Variants in CELF6 observed in about 807,000 individuals in gnomAD.
The protein encoded by CELF6 is Bruno -like 6, RNA binding protein.
Under a neutral mutation model 53.1 loss-of-function variants are expected in CELF6, and 32 were observed. The ratio of observed to expected loss-of-function variants is 0.60; its 90% CI spans 0.46 to 0.81. The LOEUF is 0.81. Ranked by LOEUF, CELF6 falls within the 30% of genes least tolerant of loss-of-function variation. The pLI, the probability that CELF6 is intolerant of heterozygous loss-of-function variation, is 0.00. For synonymous variants in CELF6, 291 were observed against 288.8 expected (o/e 1.01, Z -0.08); for missense variants, 539 against 669.5 (o/e 0.81, Z 2.15).
At chr15:72,318,379 C>T (rs1231020212) in intron 1 of CELF6, among the ~76,000 whole-genome samples, 4 of 152,148 alleles carry the variant, frequency 2.6e-5, no homozygotes, top group African/African-American at 9.7e-5. Flanking sequence ...AGGAATGTAC[C>T]TTTAGCTGTT....
At chr15:72,296,910 A>C (rs1357765992) in intron 3 of CELF6, among the ~76,000 whole-genome samples, 1 of 152,246 alleles carries the variant, frequency 6.6e-6, no homozygotes, top group African/African-American at 2.4e-5. Context: ...AAAAATTAAA[A>C]ATAGAATTAC....
intron 2 of CELF6, among the ~76,000 whole-genome samples, chr15:72,314,537 T>C (rs1317346364): frequency 1.3e-5 from 2 of 149,406 alleles, no homozygotes; most frequent in African/African-American, 2.5e-5. Flanking sequence ...ACAGAACTGA[T>C]AAATGGCAGA....
intron 3 of CELF6, among the ~76,000 whole-genome samples, chr15:72,297,925 C>CT (rs1384397991): frequency 6.6e-6 from 1 of 152,154 alleles, no homozygotes; most frequent in Non-Finnish European, 1.5e-5. Context: ...CTCTCATTAC[C>CT]TTTGTGGGTA....
At chr15:72,310,552 T>TC (rs1272900375) in intron 2 of CELF6, among the ~76,000 whole-genome samples, 2 of 150,992 alleles carry the variant, frequency 1.3e-5, no homozygotes, top group African/African-American at 4.9e-5. Context: ...TAATCTTTTT[T>TC]TTTTTTTTTT....
chr15:72,306,385 CA>C (rs2140301687), intron 2 of CELF6: 1 of 765,582 alleles, frequency 1.3e-6, no homozygotes, highest in East Asian at 1.3e-4. Context: ...CTGCACCAAT[CA>C]GGGGCCACTC....
chr15:72,305,211 T>A (rs1595782490), intron 2 of CELF6, among the ~76,000 whole-genome samples: 2 of 152,196 alleles, frequency 1.3e-5, no homozygotes, highest in Admixed American at 1.3e-4. Context: ...ACGCTATGTG[T>A]CATTTAGATG....
rs2140310393 is a variant in CELF6, at chr15:72,319,603, C to A, written c.262+10G>T. The A allele has an allele frequency of 6.5e-7, 1 of 1,538,836 alleles. No individual in the cohort carries two copies. The highest frequency in any genetic ancestry group is 2.4e-5 in the East Asian group (1 of 40,916). The stretch of plus-strand genomic sequence containing the variant: ...TTGGGGCTGGGCTGGGCTGGGCTGA[C>A]CCCGCGCACCTTTGTGGAGGCCGGT... On this transcript the variant is annotated intron_variant, in intron 1 of 12. Coordinates refer to ENST00000287202, the MANE Select transcript of CELF6 (RefSeq NM_052840.5). The surrounding 1 kb of genome is among the most constrained non-coding windows in gnomAD (Gnocchi z 5.0).
At chr15:72,313,577 A>G (rs1196269033) in intron 2 of CELF6, 8 of 156,230 alleles carry the variant, frequency 5.1e-5, no homozygotes. Flanking sequence ...TTCATCTTCA[A>G]CTGCTGCCCT....
intron 3 of CELF6, among the ~76,000 whole-genome samples, chr15:72,301,841 G>A (rs541989035): frequency 1.5e-4 from 22 of 148,482 alleles, no homozygotes; most frequent in East Asian, 4.1e-4. Flanking sequence ...GGTTCACGCC[G>A]TTCTCCCGTC....
In CELF6 at chr15:72,319,881, G is replaced by A. The variant is rs2088407368; in HGVS notation, c.-7C>T. ...CTCCCGGCGCCGCGGCCATGTCCCCGCCCTGTCAGCCCTCCCGCCGGTCCC... is the reference window on the plus strand; with the variant it reads ...CTCCCGGCGCCGCGGCCATGTCCCCACCCTGTCAGCCCTCCCGCCGGTCCC... On this transcript the variant is annotated 5_prime_UTR_variant, in exon 1 of 13. Transcript: ENST00000287202. The surrounding 1 kb of genome is among the most constrained non-coding windows in gnomAD (Gnocchi z 5.0). 1 of 1,454,836 alleles carries A rather than the reference G, an allele frequency of 6.9e-7. No homozygotes were observed. Among genetic ancestry groups the A allele is most frequent in the Non-Finnish European group, 9.0e-7 (1 of 1,107,254 alleles). The allele number at this position is 1,454,836 out of a possible 1,614,324, so 90.1% of individuals were successfully genotyped here.
chr15:72,289,391 A>T lies in CELF6; in HGVS notation c.864T>A (p.Pro288=). The change falls in exon 7 of 13, where the codon CCT becomes CCA. Residue 288 remains proline (P), a synonymous_variant. Coordinates refer to ENST00000287202, the MANE Select transcript of CELF6 (RefSeq NM_052840.5). The surrounding 1 kb of genome is among the most constrained non-coding windows in gnomAD (Gnocchi z 7.6). ...GGGCCGTACCTGCCGCGGGCAACAG[A>T]GGCGCAGCTACCAGGCTAAAGGCCG... The part of the protein sequence containing the change: ...HVAAFSLVAA[P]LLPAAAANSP... The T allele has an allele frequency of 6.4e-7, 1 of 1,555,020 alleles. No individual in the cohort carries two copies. Among genetic ancestry groups the T allele is most frequent in the Non-Finnish European group, 8.6e-7 (1 of 1,158,838 alleles).
At chr15:72,306,674 CT>C (rs2088235182) in intron 2 of CELF6, among the ~76,000 whole-genome samples, 1 of 151,882 alleles carries the variant, frequency 6.6e-6, no homozygotes, top group African/African-American at 2.4e-5. Context: ...GTGTACCAGG[CT>C]GTGGGTGGGG....
rs753944424 is a variant in CELF6 at position 72,289,659 on chromosome 15, G to T, written c.715C>A (p.Pro239Thr). ...HLGAFHPAPLPLGACGAYTTA... is the reference protein window; with the variant it reads ...HLGAFHPAPLTLGACGAYTTA... ...GTGTAGGCGCCGCAGGCCCCTAGCGGCAGTGGCGCGGGGTGGAAGGCGCCC... is the reference window on the plus strand; with the variant it reads ...GTGTAGGCGCCGCAGGCCCCTAGCGTCAGTGGCGCGGGGTGGAAGGCGCCC... The change falls in exon 6 of 13, where the codon CCG becomes ACG. Residue 239 changes from proline (P) to threonine (T), a missense_variant. Pro to Thr is a conservative substitution (Grantham distance 38). Transcript: ENST00000287202. This position sits in a 1 kb window ranked among gnomAD's most constrained non-coding sequence, Gnocchi z 7.6. The T allele has an allele frequency of 7.3e-6, 11 of 1,500,782 alleles. No homozygotes were observed. The Admixed American group carries it at 2.5e-4, about 34-fold the overall frequency. 93.0% of individuals were successfully genotyped at this position (1,500,782 alleles called of 1,614,324 possible). A position where few individuals can be genotyped will look rare whatever the true frequency, so the allele number is the denominator to read the frequency against.
chr15:72,317,061 G>A (rs181355968), intron 1 of CELF6, among the ~76,000 whole-genome samples: 1 of 152,300 alleles, frequency 6.6e-6, no homozygotes, highest in African/African-American at 2.4e-5. Context: ...TGGTGTGTTG[G>A]GGAAATGGAT....
At chr15:72,286,869 T>C (rs1052471204) in intron 12 of CELF6, among the ~76,000 whole-genome samples, 1 of 152,214 alleles carries the variant, frequency 6.6e-6, no homozygotes, top group Non-Finnish European at 1.5e-5. Flanking sequence ...TCCAAACTCA[T>C]GGCCTGAAGA....
chr15:72,300,405 A>C (rs1437547260), intron 3 of CELF6, among the ~76,000 whole-genome samples: 1 of 152,100 alleles, frequency 6.6e-6, no homozygotes, highest in Non-Finnish European at 1.5e-5. Context: ...TCAGTAAATA[A>C]ATAAAAATCA....
At chr15:72,305,857 T>G (rs1285554463) in intron 2 of CELF6, among the ~76,000 whole-genome samples, 2 of 147,912 alleles carry the variant, frequency 1.4e-5, no homozygotes. Context: ...CTCATTTGTT[T>G]TTTTTTTTTT....
chr15:72,288,221 T>C lies in CELF6; in HGVS notation c.1318+87A>G. 1 of 1,376,842 alleles carries C rather than the reference T, an allele frequency of 7.3e-7. No homozygotes were observed. The highest frequency in any genetic ancestry group is 1.0e-6 in the Non-Finnish European group (1 of 967,054). 85.3% of individuals were successfully genotyped at this position (1,376,842 alleles called of 1,614,324 possible). ...CATACATTCAATCTCAGGAAATCAC[T>C]GCATTATGGAAGGGCAATCGTAGGG... is the stretch of plus-strand genomic sequence containing the variant. On this transcript the variant is annotated intron_variant, in intron 11 of 12. Transcript: ENST00000287202. This position sits in a 1 kb window ranked among gnomAD's most constrained non-coding sequence, Gnocchi z 4.6.
chr15:72,287,144 TG>T, intron 12 of CELF6, 92 bp downstream of exon 12: 1 of 1,165,184 alleles, frequency 8.6e-7, no homozygotes, highest in Non-Finnish European at 1.2e-6. Context: ...TTCTCAGAGG[TG>T]GGTGCCTCCA....
Sources: gnomAD v4.1 joint callset for allele counts (sites outside exome capture counted in the v4.1 genomes callset) on GRCh38, gnomAD v4.1.1 for gene constraint, Gnocchi (gnomAD v3.1) non-coding constraint, MANE v1.5 for transcripts, NCBI Gene and HGNC (gene_info 2026-07-23, HGNC 2026-07-21) for gene names.